The following SEMA3E variants were observed in gnomAD, a reference collection of about 807,000 sequenced individuals.
SEMA3E encodes the protein semaphorin-3E.
SEMA3E carries 49 observed loss-of-function variants against 93.6 expected under a neutral mutation model. The ratio of observed to expected loss-of-function variants is 0.52; its 90% CI spans 0.42 to 0.66. The LOEUF (loss-of-function observed/expected upper bound fraction) is 0.66, where lower values mean the gene tolerates loss of function less well. Ranked by LOEUF, SEMA3E falls within the 30% of genes least tolerant of loss-of-function variation. The probability of loss-of-function intolerance (pLI) is 0.00; values close to 1 mark genes in which losing one functional copy is unlikely to be tolerated. For synonymous variants in SEMA3E, 363 were observed against 330.7 expected, an observed-to-expected ratio of 1.10 and a Z score of -1.06; for missense variants, 906 against 964.8, an observed-to-expected ratio of 0.94 and a Z score of 0.81.
chr7:83,376,377 C>A (rs1393720013), intron 16 of SEMA3E, among the ~76,000 whole-genome samples: 1 of 151,972 alleles, frequency 6.6e-6, no homozygotes, highest in East Asian at 1.9e-4. Flanking sequence ...GATGACATAA[C>A]CCAATATTAA....
intron 16 of SEMA3E, among the ~76,000 whole-genome samples, chr7:83,374,281 G>A (rs1276635267): frequency 1.3e-5 from 2 of 149,498 alleles, no homozygotes; most frequent in African/African-American, 2.5e-5. Context: ...ATAGCCAGAA[G>A]AAAGACAAAA....
intron 4 of SEMA3E, among the ~76,000 whole-genome samples, chr7:83,422,470 A>G (rs1210691364): frequency 6.6e-6 from 1 of 152,210 alleles, no homozygotes; most frequent in African/African-American, 2.4e-5. Flanking sequence ...TTTGCAAAAC[A>G]GACCCACATC....
chr7:83,393,707 T>C (rs1344826844), intron 13 of SEMA3E, among the ~76,000 whole-genome samples: 1 of 152,180 alleles, frequency 6.6e-6, no homozygotes, highest in African/African-American at 2.4e-5. Flanking sequence ...TGAAGGATTA[T>C]TTATAAATAA....
chr7:83,495,572 A>G (rs923616551), intron 1 of SEMA3E, among the ~76,000 whole-genome samples: 1 of 151,918 alleles, frequency 6.6e-6, no homozygotes, highest in Admixed American at 6.6e-5. Context: ...AACATGGGGA[A>G]AAACATACAT....
At chr7:83,515,076 C>T (rs1584301695) in intron 1 of SEMA3E, among the ~76,000 whole-genome samples, 1 of 151,880 alleles carries the variant, frequency 6.6e-6, no homozygotes, top group South Asian at 2.1e-4. Flanking sequence ...TTTTCCTTGC[C>T]GGAGCAAATA....
chr7:83,445,546 C>T (rs181762078), intron 4 of SEMA3E, among the ~76,000 whole-genome samples: 33 of 152,006 alleles, frequency 2.2e-4, no homozygotes, highest in African/African-American at 6.5e-4. Flanking sequence ...GGTGAAACCC[C>T]GTCCCTACTA....
chr7:83,491,954 A>G (rs1037892398), intron 1 of SEMA3E, among the ~76,000 whole-genome samples: 1 of 152,076 alleles, frequency 6.6e-6, no homozygotes, highest in Non-Finnish European at 1.5e-5. Context: ...TAACAAAAAT[A>G]TAGCTCAAAA....
chr7:83,448,688 G>A (rs954506760), intron 4 of SEMA3E, among the ~76,000 whole-genome samples: 11 of 152,048 alleles, frequency 7.2e-5, no homozygotes, highest in African/African-American at 1.4e-4. Flanking sequence ...TTTGAAAACC[G>A]AATCTGATAA....
At chr7:83,497,198 A>G (rs1189066771) in intron 1 of SEMA3E, among the ~76,000 whole-genome samples, 1 of 152,104 alleles carries the variant, frequency 6.6e-6, no homozygotes, top group East Asian at 1.9e-4. Context: ...CACTGACATC[A>G]CTATATTACA....
At chr7:83,401,138 G>A (rs1788227153) in intron 10 of SEMA3E, among the ~76,000 whole-genome samples, 1 of 152,116 alleles carries the variant, frequency 6.6e-6, no homozygotes, top group Admixed American at 6.6e-5. Context: ...TATGTGTTAT[G>A]TCAATTTTTA....
At chr7:83,638,476 T>C (rs1034894163) in intron 1 of SEMA3E, among the ~76,000 whole-genome samples, 3 of 152,250 alleles carry the variant, frequency 2.0e-5, no homozygotes, top group Non-Finnish European at 2.9e-5. Flanking sequence ...AACTCAATCA[T>C]AGCTACATCA....
chr7:83,405,614 T>C lies in SEMA3E; in HGVS notation c.929-95A>G, dbSNP rs576432578. 23 of 1,024,286 alleles carry C rather than the reference T, an allele frequency of 2.2e-5. No individual in the cohort carries two copies. In the East Asian group the frequency reaches 4.4e-4, roughly 20 times the overall value. The allele number at this position is 1,024,286 out of a possible 1,614,324, so 63.4% of individuals were successfully genotyped here. ...ACCTAAATTTGTTTAGAACTCATTA[T>C]AGATTTTGAGATGTGTATTTTCATA... is the stretch of plus-strand genomic sequence containing the variant. On this transcript the variant is annotated intron_variant, in intron 8 of 16. Transcript: ENST00000643230.
intron 4 of SEMA3E, among the ~76,000 whole-genome samples, chr7:83,437,917 T>C (rs1789036571): frequency 6.6e-6 from 1 of 152,128 alleles, no homozygotes; most frequent in Non-Finnish European, 1.5e-5. Context: ...AACTTGTTCA[T>C]AATAAGGATA....
At position 83,648,763 on chromosome 7, in the gene SEMA3E, A is replaced by C. The variant is rs1794113968; in HGVS notation, c.-221T>G. 1 of 608,344 alleles carries C rather than the reference A, an allele frequency of 1.6e-6. No individual in the cohort carries two copies. Among genetic ancestry groups the C allele is most frequent in the African/African-American group, 1.8e-5 (1 of 54,616 alleles). 37.7% of individuals were successfully genotyped at this position (608,344 alleles called of 1,614,324 possible). A position where few individuals can be genotyped will look rare whatever the true frequency, so the allele number is the denominator to read the frequency against. On this transcript the variant is annotated 5_prime_UTR_variant, in exon 1 of 17. Transcript: ENST00000643230. ...TTGTTTATAAGCCGGGAGCAAGAGG[A>C]CATTCCAAAGAGTGAGTCTTCAGAG... is the stretch of plus-strand genomic sequence containing the variant.
chr7:83,533,550 A>T (rs1791347725), intron 1 of SEMA3E, among the ~76,000 whole-genome samples: 1 of 146,620 alleles, frequency 6.8e-6, no homozygotes, highest in Admixed American at 6.8e-5. Flanking sequence ...TCTCAATAAA[A>T]TACGATAAAA....
Position 83,405,976 on chromosome 7 carries a change from C to T in SEMA3E, c.897G>A (p.Met299Ile). The T allele has an allele frequency of 1.2e-6, 2 of 1,612,976 alleles. No individual in the cohort carries two copies. Among genetic ancestry groups the T allele is most frequent in the Non-Finnish European group, 1.7e-6 (2 of 1,179,152 alleles). Reference sequence around the variant, plus strand: ...CATCAAAATATGTGTCAATTCCATTCATTCCTGGTACTGAGCAAACGAGTC... The same window carrying T: ...CATCAAAATATGTGTCAATTCCATTTATTCCTGGTACTGAGCAAACGAGTC... ...KARLVCSVPG[M>I]NGIDTYFDEL... The change falls in exon 8 of 17, where the codon ATG (methionine) becomes ATA (isoleucine). Residue 299 changes from methionine to isoleucine, a missense_variant. Physicochemically the swap from Met to Ile is conservative, Grantham distance 10. Transcript: ENST00000643230.
intron 4 of SEMA3E, among the ~76,000 whole-genome samples, chr7:83,463,528 T>G (rs1789680151): frequency 6.6e-6 from 1 of 152,192 alleles, no homozygotes; most frequent in African/African-American, 2.4e-5. Flanking sequence ...GCCTCCCACA[T>G]TATTCCTGAT....
chr7:83,497,289 T>A (rs1314321655), intron 1 of SEMA3E, among the ~76,000 whole-genome samples: 1 of 152,128 alleles, frequency 6.6e-6, no homozygotes, highest in African/African-American at 2.4e-5. Flanking sequence ...AGAACACACA[T>A]TTTTCAGCTC....
At position 83,507,106 on chromosome 7, in the gene SEMA3E, A is replaced by G. The variant is rs545461244; in HGVS notation, c.116-16832T>C. The stretch of plus-strand genomic sequence containing the variant: ...ATTACCATGTAGCTGCCCTATCCCT[A>G]GACCCCAACTTTATCAGAACAGATG... On this transcript the variant is annotated intron_variant, in intron 1 of 16. Transcript: ENST00000643230. Among the ~76,000 whole-genome samples the G allele has an allele frequency of 3.9e-5, 6 of 152,320 alleles. No individual in the cohort carries two copies. The East Asian group carries it at 9.7e-4, about 25-fold the overall frequency.
Sources: allele counts gnomAD v4.1 joint callset (sites outside exome capture counted in the v4.1 genomes callset), GRCh38; gene constraint gnomAD v4.1.1; transcripts MANE v1.5; gene names NCBI Gene and HGNC (gene_info 2026-07-23, HGNC 2026-07-21).